Variants in OPHN1 observed in about 807,000 individuals in gnomAD.
OPHN1 encodes the protein oligophrenin-1.
OPHN1 carries 11 observed loss-of-function variants against 60.7 expected under a neutral mutation model. The ratio of observed to expected loss-of-function variants is 0.18; its 90% CI spans 0.11 to 0.30. The LOEUF (loss-of-function observed/expected upper bound fraction) is 0.30, where lower values mean the gene tolerates loss of function less well. Ranked by LOEUF, OPHN1 falls within the 10% of genes least tolerant of loss-of-function variation. The pLI is 1.00. For missense variants in OPHN1, 449 were observed against 611.0 expected (o/e 0.73, Z 2.80); for synonymous variants, 226 against 222.6 (o/e 1.02, Z -0.14).
intron 6 of OPHN1, among the ~76,000 whole-genome samples, chrX:68,230,208 A>T (rs2077720496): frequency 1.8e-5 from 2 of 111,594 alleles, no homozygotes; most frequent in African/African-American, 6.5e-5. Context: ...TCAAAACCAC[A>T]ATGAGATACC....
At chrX:68,132,642 A>G (rs1236466551) in intron 15 of OPHN1, among the ~76,000 whole-genome samples, 1 of 98,830 alleles carries the variant, frequency 1.0e-5, no homozygotes, top group Non-Finnish European at 2.0e-5. Context: ...TGGCACATGT[A>G]TACATATGTA....
At chrX:68,308,838 G>A (rs1016124346) in intron 2 of OPHN1, among the ~76,000 whole-genome samples, 1 of 109,620 alleles carries the variant, frequency 9.1e-6, no homozygotes, top group Non-Finnish European at 1.9e-5. Flanking sequence ...GGAGTGCAGT[G>A]GCATGATCTC....
At chrX:68,279,101 CTTTTTTTTTTTTTTTTTTTTT>C (rs984725368) in intron 4 of OPHN1, among the ~76,000 whole-genome samples, 3 of 21,785 alleles carry the variant, frequency 1.4e-4, no homozygotes, top group Non-Finnish European at 2.2e-4. Context: ...CTCCCCCGCT[CTTTTTTTTTTTTTTTTTTTTT>C]TTTTTTTTTT....
At position 68,299,026 on chromosome X, in the gene OPHN1, A is replaced by G. The variant is rs1430361895; in HGVS notation, c.225T>C (p.Thr75=). 8.4e-7 allele frequency: 1 copy of G among 1,189,536 alleles called. No individual in the cohort carries two copies. Among genetic ancestry groups the G allele is most frequent in the Admixed American group, 2.2e-5 (1 of 45,668 alleles). Reference sequence around the variant, plus strand: ...CGATGTTAATTTCATCATCAGTCAGAGTGTCTCCAATGAAATCAAACTGAA... The same window carrying G: ...CGATGTTAATTTCATCATCAGTCAGGGTGTCTCCAATGAAATCAAACTGAA... ...QSFQFDFIGD[T]LTDDEINIAE... Residue 75 remains threonine, a synonymous_variant, in exon 3 of 25, where the codon ACT becomes ACC. Transcript: ENST00000355520.
At chrX:68,268,329 C>T (rs992851562) in intron 5 of OPHN1, among the ~76,000 whole-genome samples, 8 of 111,534 alleles carry the variant, frequency 7.2e-5, no homozygotes, top group Non-Finnish European at 1.5e-4. Context: ...AACGTAAATG[C>T]AAAAATCCTC....
chrX:68,157,795 C>T (rs1391336600), intron 15 of OPHN1, among the ~76,000 whole-genome samples: 2 of 112,195 alleles, frequency 1.8e-5, no homozygotes, highest in Non-Finnish European at 3.8e-5. Context: ...AAACACAAAA[C>T]AGACAAAATT....
chrX:68,218,799 C>A (rs1378849439), intron 6 of OPHN1, among the ~76,000 whole-genome samples: 21 of 91,905 alleles, frequency 2.3e-4, no homozygotes, highest in African/African-American at 7.4e-4. Flanking sequence ...TGGAAAGGAA[C>A]AACCGGTACC....
At chrX:68,047,525 A>G (rs1472372284) in intron 24 of OPHN1, among the ~76,000 whole-genome samples, 1 of 111,645 alleles carries the variant, frequency 9.0e-6, no homozygotes, top group Non-Finnish European at 1.9e-5. Flanking sequence ...CTTCACCTCC[A>G]TAGGGGCTGA....
At chrX:68,058,957 G>A (rs7891590) in intron 21 of OPHN1, among the ~76,000 whole-genome samples, 2 of 111,608 alleles carry the variant, frequency 1.8e-5, no homozygotes, top group African/African-American at 3.3e-5. Flanking sequence ...TCCTATGGGC[G>A]CAAATACTAT....
chrX:68,335,705 G>A (rs868450411), intron 2 of OPHN1, among the ~76,000 whole-genome samples: 1 of 111,497 alleles, frequency 9.0e-6, no homozygotes, highest in African/African-American at 3.3e-5. Context: ...AAGGCAGGTG[G>A]ATCACTTGAG....
chrX:68,207,150 A>G (rs1225318139), intron 9 of OPHN1, among the ~76,000 whole-genome samples: 2 of 97,727 alleles, frequency 2.0e-5, no homozygotes, highest in Non-Finnish European at 4.1e-5. Flanking sequence ...TTTTTTTTTG[A>G]CAGAGTCTCG....
At chrX:68,389,826 G>T (rs2078644907) in intron 2 of OPHN1, among the ~76,000 whole-genome samples, 1 of 110,536 alleles carries the variant, frequency 9.0e-6, no homozygotes, top group Non-Finnish European at 1.9e-5. Flanking sequence ...GCATTTACCA[G>T]TCATGAGGTT....
chrX:68,307,759 T>TA (rs1476211339), intron 2 of OPHN1, among the ~76,000 whole-genome samples: 1 of 111,373 alleles, frequency 9.0e-6, no homozygotes, highest in Non-Finnish European at 1.9e-5. Context: ...TATATATATT[T>TA]ACCTGTATTG....
chrX:68,145,948 T>C (rs1241267105), intron 15 of OPHN1, among the ~76,000 whole-genome samples: 1 of 111,755 alleles, frequency 8.9e-6, no homozygotes, highest in Non-Finnish European at 1.9e-5. Flanking sequence ...GCTTATTGTC[T>C]ACAGCTGCTT....
chrX:68,253,052 TA>T (rs200109957), intron 5 of OPHN1, among the ~76,000 whole-genome samples: 2,214 of 106,328 alleles, frequency 0.021, 63 homozygotes, highest in African/African-American at 0.07. Context: ...AACAAGCAAG[TA>T]AAAAAAAAAG....
chrX:68,264,363 A>G (rs776698309), intron 5 of OPHN1, among the ~76,000 whole-genome samples: 1 of 111,877 alleles, frequency 8.9e-6, no homozygotes, highest in East Asian at 2.8e-4. Flanking sequence ...CTCATCTGAC[A>G]AAGGGCTAAT....
chrX:68,418,661 C>G (rs762693401), intron 2 of OPHN1, among the ~76,000 whole-genome samples: 1 of 112,050 alleles, frequency 8.9e-6, no homozygotes, highest in African/African-American at 3.2e-5. Context: ...ACTTGCCACA[C>G]ACTAGTGGAA....
chrX:68,407,277 G>A (rs1443838935), intron 2 of OPHN1, among the ~76,000 whole-genome samples: 5 of 112,164 alleles, frequency 4.5e-5, no homozygotes, highest in Non-Finnish European at 9.4e-5. Flanking sequence ...GACAGACCTG[G>A]GTTCTAGCCA....
intron 2 of OPHN1, among the ~76,000 whole-genome samples, chrX:68,301,445 C>CAAAAAAAA (rs56927719): frequency 5.7e-5 from 2 of 35,355 alleles, no homozygotes; most frequent in African/African-American, 1.8e-4. Flanking sequence ...GACTCCATCT[C>CAAAAAAAA]AAAAAAAAAA....
Sources: allele counts gnomAD v4.1 joint callset (sites outside exome capture counted in the v4.1 genomes callset), GRCh38; gene constraint gnomAD v4.1.1; transcripts MANE v1.5; gene names NCBI Gene and HGNC (gene_info 2026-07-23, HGNC 2026-07-21).